The following SNX27 variants were observed in gnomAD, a reference collection of about 807,000 sequenced individuals.
SNX27 encodes sorting nexin 27, also known as sorting nexin-27.
Under a neutral mutation model 71.6 loss-of-function variants are expected in SNX27, and 22 were observed. The ratio of observed to expected loss-of-function variants is 0.31; its 90% CI spans 0.22 to 0.44. The LOEUF (loss-of-function observed/expected upper bound fraction) is 0.44, where lower values mean the gene tolerates loss of function less well. SNX27 is among the 20% of genes least tolerant of loss of function. The pLI is 1.00. For synonymous variants in SNX27, 269 were observed against 277.2 expected (o/e 0.97, Z 0.29); for missense variants, 531 against 698.6 (o/e 0.76, Z 2.70).
chr1:151,628,415 A>G (rs1178723564), intron 1 of SNX27, among the ~76,000 whole-genome samples: 1 of 152,124 alleles, frequency 6.6e-6, no homozygotes, highest in Non-Finnish European at 1.5e-5. Context: ...GGTTACTTAC[A>G]GTTTTTTGGC....
intron 1 of SNX27, among the ~76,000 whole-genome samples, chr1:151,622,833 G>C (rs1667734999): frequency 6.6e-6 from 1 of 152,042 alleles, no homozygotes; most frequent in African/African-American, 2.4e-5. Flanking sequence ...TTCTTGCCCA[G>C]CCTGGAGTGT....
chr1:151,634,546 C>T (rs1668386094), intron 1 of SNX27, among the ~76,000 whole-genome samples: 1 of 152,162 alleles, frequency 6.6e-6, no homozygotes, highest in Non-Finnish European at 1.5e-5. Context: ...TATTTGAAGC[C>T]ACTCCCATTA....
At chr1:151,674,583 A>G (rs1288107640) in intron 7 of SNX27, among the ~76,000 whole-genome samples, 1 of 152,174 alleles carries the variant, frequency 6.6e-6, no homozygotes, top group Non-Finnish European at 1.5e-5. Context: ...CTGGGATTAC[A>G]GGCATGAGCC....
chr1:151,643,974 T>C (rs2102644952), intron 2 of SNX27, among the ~76,000 whole-genome samples: 1 of 152,272 alleles, frequency 6.6e-6, no homozygotes, highest in South Asian at 2.1e-4. Context: ...TAGTTTTTAG[T>C]GTGTTCACAG....
Position 151,612,499 on chromosome 1 carries a change from C to T in SNX27, c.298C>T (p.Arg100Cys). The T allele has an allele frequency of 1.4e-6, 2 of 1,389,804 alleles. No homozygotes were observed. The highest frequency in any genetic ancestry group is 1.7e-5 in the South Asian group (1 of 59,948). The allele number at this position is 1,389,804 out of a possible 1,614,324, so 86.1% of individuals were successfully genotyped here. The change falls in exon 1 of 12, where the codon CGC becomes TGC. Residue 100 changes from arginine (R) to cysteine (C), a missense_variant. This residue lies in a region of SNX27 where 13 missense variants were observed against 45.6 expected (regional missense o/e 0.28). Transcript: ENST00000458013. This position sits in a 1 kb window ranked among gnomAD's most constrained non-coding sequence, Gnocchi z 5.2. ...ADRAGVRKGDRILEVNHVNVE... is the reference protein window; with the variant it reads ...ADRAGVRKGDCILEVNHVNVE... ...TCGGGCCGGGGTGCGCAAGGGGGAC[C>T]GCATCCTGGAGGTGTGAGTATCGGG... is the stretch of plus-strand genomic sequence containing the variant.
At chr1:151,688,183 G>GTA (rs1346607444) in intron 8 of SNX27, among the ~76,000 whole-genome samples, 1 of 152,172 alleles carries the variant, frequency 6.6e-6, no homozygotes, top group Non-Finnish European at 1.5e-5. Flanking sequence ...AGACAACAGA[G>GTA]TAAAGTCTCA....
chr1:151,659,328 A>C (rs1029750573), intron 3 of SNX27, among the ~76,000 whole-genome samples: 6 of 151,436 alleles, frequency 4.0e-5, no homozygotes, highest in Non-Finnish European at 8.8e-5. Flanking sequence ...GCTCACTGCA[A>C]CCTCTGCCTC....
In SNX27 at chr1:151,626,890, T is replaced by C. The variant is rs180950624; in HGVS notation, c.312-11998T>C. ...AGACAAGATAGTTTTTGTTTTGTTT[T>C]GTTTTCTAATACTGTAAAGTGCTCC... On this transcript the variant is annotated intron_variant, in intron 1 of 11. Coordinates refer to ENST00000458013, the MANE Select transcript of SNX27 (RefSeq NM_001330723.2). Among the ~76,000 whole-genome samples, 59 of 152,282 alleles carry C rather than the reference T, an allele frequency of 3.9e-4. No individual in the cohort carries two copies. The Middle Eastern group carries it at 0.01, about 26-fold the overall frequency.
intron 1 of SNX27, among the ~76,000 whole-genome samples, chr1:151,616,215 T>C (rs1667418758): frequency 6.6e-6 from 1 of 152,240 alleles, no homozygotes; most frequent in African/African-American, 2.4e-5. Flanking sequence ...GCACTAATTA[T>C]ATAGTATGTG....
chr1:151,620,710 GAC>G (rs1667632149), intron 1 of SNX27, among the ~76,000 whole-genome samples: 1 of 92,642 alleles, frequency 1.1e-5, no homozygotes, highest in Non-Finnish European at 2.4e-5. Context: ...TTTTTTTTGT[GAC>G]AGAGTCTTGC....
At chr1:151,631,935 A>G (rs1028385178) in intron 1 of SNX27, among the ~76,000 whole-genome samples, 20 of 152,182 alleles carry the variant, frequency 1.3e-4, no homozygotes, top group Non-Finnish European at 2.4e-4. Context: ...GCGGCCTCCC[A>G]AAGTGTTGGG....
At chr1:151,623,136 C>G (rs1667750697) in intron 1 of SNX27, among the ~76,000 whole-genome samples, 1 of 149,262 alleles carries the variant, frequency 6.7e-6, no homozygotes, top group Non-Finnish European at 1.5e-5. Context: ...CCATACCTGC[C>G]TAATATATAT....
Position 151,612,219 on chromosome 1 carries a change from G to C in SNX27, c.18G>C (p.Gly6=), listed in dbSNP as rs551180149. ...CTCGCAAGATGGCGGACGAGGACGG[G>C]GAAGGGATTCATCCCTCAGCCCCTC... The part of the protein sequence containing the change: MADED[G]EGIHPSAPHR... The change falls in exon 1 of 12, where the codon GGG becomes GGC. Residue 6 remains glycine (G), a synonymous_variant. Transcript: ENST00000458013. The surrounding 1 kb of genome is among the most constrained non-coding windows in gnomAD (Gnocchi z 5.2). 2.2e-6 allele frequency: 3 copies of C among 1,371,998 alleles called. No individual in the cohort carries two copies. The highest frequency in any genetic ancestry group is 6.2e-5 in the East Asian group (2 of 32,382). 85.0% of individuals were successfully genotyped at this position (1,371,998 alleles called of 1,614,324 possible).
intron 7 of SNX27, among the ~76,000 whole-genome samples, chr1:151,682,562 T>C (rs1266562003): frequency 2.0e-5 from 3 of 152,046 alleles, no homozygotes; most frequent in African/African-American, 7.2e-5. Flanking sequence ...ACCTTGTGAT[T>C]CACCCGCCTC....
rs1343522996 is a variant in SNX27, at chr1:151,696,591, T to A, written c.*2174T>A. 1.3e-5 allele frequency: 2 copies of A among 151,558 alleles called. No homozygotes were observed. The highest frequency in any genetic ancestry group is 3.9e-4 in the East Asian group (2 of 5,182). 9.4% of individuals were successfully genotyped at this position (151,558 alleles called of 1,614,324 possible). On this transcript the variant is annotated 3_prime_UTR_variant, in exon 12 of 12. Coordinates refer to ENST00000458013, the MANE Select transcript of SNX27 (RefSeq NM_001330723.2). ...CTTCTTTCATCTCTTTTTTGTAATT[T>A]GTTGTTGCAAATCATTGTGAGGCCA...
rs567498970 is a variant in SNX27 at position 151,620,881 on chromosome 1, C to T, written c.311+8369C>T. 3.3e-4 allele frequency among the ~76,000 whole-genome samples: 50 copies of T among 152,002 alleles called. 1 individual carries two copies. The highest frequency in any genetic ancestry group is 1.1e-3 in the African/African-American group (46 of 41,466). On this transcript the variant is annotated intron_variant, in intron 1 of 11. Transcript: ENST00000458013. The stretch of plus-strand genomic sequence containing the variant: ...AATTGTTTGTATTTTTAGTAGAGAC[C>T]GGGTTTCACCATGCTGGCCAGGCTG...
intron 7 of SNX27, among the ~76,000 whole-genome samples, chr1:151,681,846 C>T (rs1352828334): frequency 6.6e-6 from 1 of 151,572 alleles, no homozygotes; most frequent in Non-Finnish European, 1.5e-5. Flanking sequence ...TAATTGTCTC[C>T]TGTTCCCTTA....
At chr1:151,614,709 T>G (rs151288460) in intron 1 of SNX27, among the ~76,000 whole-genome samples, 3,244 of 152,352 alleles carry the variant, frequency 0.021, 50 homozygotes, top group Middle Eastern at 0.037. Context: ...AATTGTCACT[T>G]TCCTTTCCCT....
In SNX27 at chr1:151,696,325, C is replaced by T. The variant is rs915466165; in HGVS notation, c.*1908C>T. The T allele has an allele frequency of 6.6e-6, 1 of 152,118 alleles. No homozygotes were observed. The highest frequency in any genetic ancestry group is 1.5e-5 in the Non-Finnish European group (1 of 67,990). The allele number at this position is 152,118 out of a possible 1,614,324, so 9.4% of individuals were successfully genotyped here. On this transcript the variant is annotated 3_prime_UTR_variant, in exon 12 of 12. Coordinates refer to ENST00000458013, the MANE Select transcript of SNX27 (RefSeq NM_001330723.2). ...CCCTTCTCCCCTTTCTAAACAAAAA[C>T]CTTCCTAGGATGGCATCTTTTGCTC...
Sources: allele counts gnomAD v4.1 joint callset (sites outside exome capture counted in the v4.1 genomes callset), GRCh38; gene constraint gnomAD v4.1.1; regional missense constraint gnomAD v4.1.1; non-coding constraint Gnocchi (gnomAD v3.1); transcripts MANE v1.5; gene names NCBI Gene and HGNC (gene_info 2026-07-23, HGNC 2026-07-21).